The following TBC1D31 variants were observed in gnomAD, a reference collection of about 807,000 sequenced individuals.
TBC1D31 encodes the protein WD repeat domain 67.
A neutral mutation model predicts 132.9 loss-of-function variants in TBC1D31; 99 were observed. That is an observed-to-expected ratio of 0.74 (90% CI 0.63 to 0.88). TBC1D31 has a LOEUF of 0.88. TBC1D31 is among the 40% of genes least tolerant of loss of function. The pLI is 0.00. For synonymous variants in TBC1D31, 385 were observed against 419.4 expected (o/e 0.92, Z 1.00); for missense variants, 1,134 against 1,256.6 (o/e 0.90, Z 1.48).
At chr8:123,112,866 A>C (rs1818581002) in intron 10 of TBC1D31, among the ~76,000 whole-genome samples, 1 of 152,224 alleles carries the variant, frequency 6.6e-6, no homozygotes, top group East Asian at 1.9e-4. Context: ...CTTCACACTT[A>C]CTATGCTTCC....
chr8:123,128,454 C>G lies in TBC1D31; in HGVS notation c.2058C>G (p.Asp686Glu), dbSNP rs992085996. ...ATCAATATCCAAAGTTTATTGTGGA[C>G]TATCAAACACAGGAACGAGAAAGAA... ...VFNQYPKFIVDYQTQERERIR... is the reference protein window; with the variant it reads ...VFNQYPKFIVEYQTQERERIR... The change falls in exon 14 of 22, where the codon GAC (aspartate) becomes GAG (glutamate). Residue 686 changes from aspartate (D) to glutamate (E), a missense_variant. Coordinates refer to ENST00000287380, the MANE Select transcript of TBC1D31 (RefSeq NM_145647.4). The G allele has an allele frequency of 2.5e-6, 4 of 1,613,648 alleles. No homozygotes were observed. Among genetic ancestry groups the G allele is most frequent in the Non-Finnish European group, 3.4e-6 (4 of 1,179,740 alleles).
intron 2 of TBC1D31, among the ~76,000 whole-genome samples, chr8:123,081,473 T>C (rs1815141210): frequency 6.6e-6 from 1 of 152,212 alleles, no homozygotes; most frequent in African/African-American, 2.4e-5. Context: ...ACATGTAAAA[T>C]TAAAATACAC....
chr8:123,152,225 A>C (rs1426849252), downstream of TBC1D31: 1 of 236,520 alleles, frequency 4.2e-6, no homozygotes, highest in Non-Finnish European at 8.0e-6. Context: ...GGTTTATCTT[A>C]AAGATGAATA....
At chr8:123,097,190 A>G (rs1816914279) in intron 5 of TBC1D31, 92 bp from the exon 6 acceptor site, 1 of 1,372,906 alleles carries the variant, frequency 7.3e-7, no homozygotes, top group African/African-American at 1.4e-5. Context: ...GCATAGACAC[A>G]GTACATTTCT....
chr8:123,080,694 G>A (rs1278458385), intron 2 of TBC1D31, among the ~76,000 whole-genome samples: 2 of 151,686 alleles, frequency 1.3e-5, no homozygotes, highest in African/African-American at 4.8e-5. Context: ...GTGCCACCAC[G>A]CCCAGCTAAT....
At chr8:123,082,507 C>T in intron 2 of TBC1D31, 195 bp from the exon 3 acceptor site, 1 of 549,984 alleles carries the variant, frequency 1.8e-6, no homozygotes, top group Non-Finnish European at 3.2e-6. Context: ...TGTGCTAACA[C>T]TTACAGTGGT....
chr8:123,146,945 G>A (rs1442072804), intron 20 of TBC1D31, among the ~76,000 whole-genome samples: 1 of 152,076 alleles, frequency 6.6e-6, no homozygotes, highest in East Asian at 1.9e-4. Flanking sequence ...CCAAAGTGCT[G>A]GGATTATACC....
Position 123,151,744 on chromosome 8 carries a change from T to C in TBC1D31, c.3068-62T>C, listed in dbSNP as rs140892317. ...ACAACACATTTATCTTTAAAATAAA[T>C]GCTGTATCACCGCTAACATCAGAAA... On this transcript the variant is annotated intron_variant, in intron 21 of 21. Transcript: ENST00000287380. The C allele has an allele frequency of 6.3e-4, 897 of 1,434,000 alleles. 6 individuals carry two copies. The African/African-American group carries it at 0.011, about 18-fold the overall frequency. 88.8% of individuals were successfully genotyped at this position (1,434,000 alleles called of 1,614,324 possible). A position where few individuals can be genotyped will look rare whatever the true frequency, so the allele number is the denominator to read the frequency against.
chr8:123,080,042 A>AAACAAAAGATAGATT (rs1814972707), intron 2 of TBC1D31, among the ~76,000 whole-genome samples: 1 of 152,196 alleles, frequency 6.6e-6, no homozygotes, highest in South Asian at 2.1e-4. Flanking sequence ...TCTCAACTGG[A>AAACAAAAGATAGATT]CCCTTGTAAC....
intron 4 of TBC1D31, among the ~76,000 whole-genome samples, chr8:123,086,039 A>G (rs570601973): frequency 9.2e-4 from 140 of 152,314 alleles, no homozygotes; most frequent in African/African-American, 3.2e-3. Context: ...GATAAAATAA[A>G]TAATTCATGT....
At chr8:123,142,613 C>T (rs1164723201) in intron 19 of TBC1D31, among the ~76,000 whole-genome samples, 157 bp downstream of exon 19, 2 of 151,572 alleles carry the variant, frequency 1.3e-5, no homozygotes, top group African/African-American at 2.4e-5. Context: ...GGATTACAGA[C>T]GTCAGCCCCT....
intron 17 of TBC1D31, among the ~76,000 whole-genome samples, chr8:123,134,705 T>C (rs1820922128): frequency 6.6e-6 from 1 of 152,210 alleles, no homozygotes; most frequent in Admixed American, 6.5e-5. Context: ...ATTTAATTCA[T>C]GTTTCTGTTA....
chr8:123,141,944 T>C (rs7004974), intron 18 of TBC1D31, among the ~76,000 whole-genome samples: 1 of 134,980 alleles, frequency 7.4e-6, no homozygotes, highest in Non-Finnish European at 1.5e-5. Flanking sequence ...CACTGCAACC[T>C]CCACCTCCTG....
intron 7 of TBC1D31, among the ~76,000 whole-genome samples, chr8:123,101,964 C>T (rs1817467538): frequency 1.3e-5 from 2 of 152,294 alleles, no homozygotes; most frequent in Admixed American, 6.5e-5. Context: ...ACTCTTCTGC[C>T]TGGCTCTCAG....
chr8:123,161,385 C>G, the TBC1D31 span, among the ~76,000 whole-genome samples: 1 of 152,230 alleles, frequency 6.6e-6, no homozygotes, highest in Non-Finnish European at 1.5e-5. Context: ...CCCAGCTAAG[C>G]GCCTTGCCGG....
At chr8:123,076,540 G>A (rs1170322789) in intron 1 of TBC1D31, among the ~76,000 whole-genome samples, 1 of 152,144 alleles carries the variant, frequency 6.6e-6, no homozygotes, top group Non-Finnish European at 1.5e-5. Context: ...CATTCAGCAG[G>A]CATATTTTGA....
chr8:123,088,513 A>G (rs1054567698), intron 4 of TBC1D31, among the ~76,000 whole-genome samples: 1 of 152,214 alleles, frequency 6.6e-6, no homozygotes, highest in Admixed American at 6.5e-5. Context: ...ACAGGAAATA[A>G]CTGTAACCTT....
chr8:123,158,651 G>A, the TBC1D31 span, among the ~76,000 whole-genome samples: 1 of 152,176 alleles, frequency 6.6e-6, no homozygotes, highest in South Asian at 2.1e-4. Flanking sequence ...TAGAATTTGA[G>A]AGATACGGCG....
the TBC1D31 span, among the ~76,000 whole-genome samples, chr8:123,161,556 A>G: frequency 6.6e-6 from 1 of 152,092 alleles, no homozygotes; most frequent in East Asian, 1.9e-4. Context: ...CCTTTTCCTC[A>G]CTTGCATTCC....
Sources: gnomAD v4.1 joint callset for allele counts (sites outside exome capture counted in the v4.1 genomes callset) on GRCh38, gnomAD v4.1.1 for gene constraint, MANE v1.5 for transcripts, NCBI Gene and HGNC (gene_info 2026-07-23, HGNC 2026-07-21) for gene names.